Variants in PRKCB observed in about 807,000 individuals in gnomAD.
The protein encoded by PRKCB is protein kinase C beta type.
In PRKCB, 13 loss-of-function variants were observed where a neutral mutation model predicts 81.5. The observed-to-expected ratio is 0.16, with a 90% CI of 0.10 to 0.25. The LOEUF (loss-of-function observed/expected upper bound fraction) is 0.25, where lower values mean the gene tolerates loss of function less well. Ranked by LOEUF, PRKCB falls within the 10% of genes least tolerant of loss-of-function variation. PRKCB has a pLI of 1.00. For missense variants in PRKCB, 509 were observed against 875.7 expected (o/e 0.58, Z 5.29); for synonymous variants, 335 against 321.4 (o/e 1.04, Z -0.45).
In PRKCB at chr16:23,988,589, A is replaced by G. The variant is rs755399339; in HGVS notation, c.287A>G (p.Asp96Gly). Residue 96 changes from aspartate (D) to glycine (G), a missense_variant and splice_region_variant, in exon 3 of 17, where the codon GAT becomes GGT. Physicochemically the swap from Asp to Gly is moderately conservative, Grantham distance 94 (BLOSUM62 -1). Around this residue, in one of 6 missense-constraint regions of PRKCB, gnomAD observed 184 missense variants for 362.9 expected, o/e 0.51. Coordinates refer to ENST00000643927, the MANE Select transcript of PRKCB (RefSeq NM_002738.7). ...CPGADKGPASDDPRSKHKFKI... is the reference protein window; with the variant it reads ...CPGADKGPASGDPRSKHKFKI... ...GGCGCTGACAAGGGTCCAGCCTCCG[A>G]TGTAAGTAATGGGCATCGATTGCTT... 9 of 1,613,656 alleles carry G rather than the reference A, an allele frequency of 5.6e-6. No individual in the cohort carries two copies. The highest frequency in any genetic ancestry group is 6.8e-6 in the Non-Finnish European group (8 of 1,179,636).
rs869265824 is a variant in PRKCB, at chr16:24,219,655, AACACACACACACACACACACACAC to A, written c.*4864_*4887del. 8 of 742,548 alleles carry A rather than the reference AACACACACACACACACACACACAC, an allele frequency of 1.1e-5. No homozygotes were observed. Among genetic ancestry groups the A allele is most frequent in the Admixed American group, 1.5e-4 (2 of 13,132 alleles). 46.0% of individuals were successfully genotyped at this position (742,548 alleles called of 1,614,324 possible). The stretch of plus-strand genomic sequence containing the variant: ...ATCCTAAAGCCAAAGAAAATACAGC[AACACACACACACACACACACACAC>A]ACACACACACACACACACACACACC... On this transcript the variant is annotated 3_prime_UTR_variant, in exon 17 of 17. Transcript: ENST00000643927.
chr16:24,015,463 G>C lies in PRKCB; in HGVS notation c.289-16673G>C, dbSNP rs183274098. On this transcript the variant is annotated intron_variant, in intron 3 of 16. Coordinates refer to ENST00000643927, the MANE Select transcript of PRKCB (RefSeq NM_002738.7). The stretch of plus-strand genomic sequence containing the variant: ...GGGTCCAAGCTGGGAACAGGTCACG[G>C]GGGTTGAGGCAGAGCCTGAAGCCAG... Among the ~76,000 whole-genome samples the C allele has an allele frequency of 5.4e-4, 83 of 152,322 alleles. 1 individual carries two copies. The highest frequency in any genetic ancestry group is 1.9e-3 in the African/African-American group (79 of 41,570).
intron 3 of PRKCB, among the ~76,000 whole-genome samples, chr16:24,018,760 A>T (rs1266101395): frequency 6.6e-6 from 1 of 152,244 alleles, no homozygotes; most frequent in Non-Finnish European, 1.5e-5. Context: ...AAGTGTTTAC[A>T]TGGTGTTATT....
intron 5 of PRKCB, among the ~76,000 whole-genome samples, chr16:24,053,165 T>C (rs1965862802): frequency 6.6e-6 from 1 of 152,194 alleles, no homozygotes; most frequent in Non-Finnish European, 1.5e-5. Flanking sequence ...TTACTGCCAT[T>C]TGTAGTTCAC....
At chr16:23,881,231 A>G (rs11644636) in intron 2 of PRKCB, among the ~76,000 whole-genome samples, 22,448 of 144,986 alleles carry the variant, frequency 0.15, 1,792 homozygotes, top group Middle Eastern at 0.24. Context: ...CCCTGTGTTG[A>G]CTCCTTTTCT....
At chr16:23,844,032 A>T (rs1442650021) in intron 2 of PRKCB, among the ~76,000 whole-genome samples, 1 of 152,202 alleles carries the variant, frequency 6.6e-6, no homozygotes, top group African/African-American at 2.4e-5. Context: ...CACAATACGC[A>T]TCTTCTTTTG....
At chr16:23,837,487 C>G in intron 2 of PRKCB, 81 bp downstream of exon 2, 1 of 1,522,956 alleles carries the variant, frequency 6.6e-7, no homozygotes, top group East Asian at 2.3e-5. Flanking sequence ...CTGAGTTAGG[C>G]AGAGAGTGAA....
At chr16:24,145,900 A>G (rs145444061) in intron 9 of PRKCB, among the ~76,000 whole-genome samples, 1 of 152,338 alleles carries the variant, frequency 6.6e-6, no homozygotes, top group East Asian at 1.9e-4. Context: ...TGTATGTTCA[A>G]TTTCTAATGA....
chr16:24,004,398 C>T (rs193294047), intron 3 of PRKCB, among the ~76,000 whole-genome samples: 97 of 147,220 alleles, frequency 6.6e-4, no homozygotes, highest in African/African-American at 2.1e-3. Context: ...AAAGCATAAA[C>T]GGGGGCAGAT....
At chr16:23,907,750 G>A (rs1002222705) in intron 2 of PRKCB, among the ~76,000 whole-genome samples, 3 of 152,144 alleles carry the variant, frequency 2.0e-5, no homozygotes, top group Non-Finnish European at 4.4e-5. Context: ...AACCATACCG[G>A]TCGACTCCGG....
chr16:23,982,085 C>T (rs1596497393), intron 2 of PRKCB, among the ~76,000 whole-genome samples: 1 of 80,920 alleles, frequency 1.2e-5, no homozygotes, highest in African/African-American at 5.7e-5. Flanking sequence ...TTCCCTTTCC[C>T]TTCCCTTTCC....
intron 2 of PRKCB, among the ~76,000 whole-genome samples, chr16:23,933,844 TCATCCATCCATC>T (rs58975374): frequency 1.4e-4 from 16 of 118,394 alleles, no homozygotes; most frequent in South Asian, 8.8e-4. Flanking sequence ...GATTTTCTAT[TCATCCATCCATC>T]CATCCATCCA....
At chr16:24,152,147 T>C (rs2141952156) in intron 9 of PRKCB, among the ~76,000 whole-genome samples, 1 of 152,222 alleles carries the variant, frequency 6.6e-6, no homozygotes, top group South Asian at 2.1e-4. Flanking sequence ...CTGTGTAATT[T>C]ATGAAAAAGA....
At chr16:23,914,656 T>TAAGGG (rs1963711105) in intron 2 of PRKCB, among the ~76,000 whole-genome samples, 1 of 152,168 alleles carries the variant, frequency 6.6e-6, no homozygotes, top group Non-Finnish European at 1.5e-5. Context: ...TTGGGAGGTT[T>TAAGGG]AAATGAGTTA....
intron 5 of PRKCB, among the ~76,000 whole-genome samples, chr16:24,075,117 C>CAA (rs35609342): frequency 0.01 from 1,128 of 109,458 alleles, 14 homozygotes; most frequent in African/African-American, 0.034. Flanking sequence ...GACCCTATCT[C>CAA]AAAAAAAAAA....
At chr16:24,095,656 A>G (rs1045998760) in intron 7 of PRKCB, among the ~76,000 whole-genome samples, 2 of 152,130 alleles carry the variant, frequency 1.3e-5, no homozygotes, top group Non-Finnish European at 2.9e-5. Flanking sequence ...GCAATATTTC[A>G]TTAGTTTTAC....
intron 3 of PRKCB, among the ~76,000 whole-genome samples, chr16:23,991,467 G>A (rs1964884830): frequency 6.6e-6 from 1 of 152,200 alleles, no homozygotes; most frequent in Non-Finnish European, 1.5e-5. Flanking sequence ...AGCTCTGAGT[G>A]TTCATGCAGA....
At chr16:23,876,575 T>A (rs1408226339) in intron 2 of PRKCB, among the ~76,000 whole-genome samples, 5 of 99,336 alleles carry the variant, frequency 5.0e-5, no homozygotes, top group Non-Finnish European at 9.0e-5. Flanking sequence ...GGTTTCTTTT[T>A]CTTTTTGAAA....
chr16:24,153,861 T>A (rs1488901600), intron 9 of PRKCB, among the ~76,000 whole-genome samples: 1 of 152,252 alleles, frequency 6.6e-6, no homozygotes, highest in Non-Finnish European at 1.5e-5. Flanking sequence ...AGAACGTGCT[T>A]GTTTCTTTAT....
Sources: allele counts gnomAD v4.1 joint callset (sites outside exome capture counted in the v4.1 genomes callset), GRCh38; gene constraint gnomAD v4.1.1; regional missense constraint gnomAD v4.1.1; transcripts MANE v1.5; gene names NCBI Gene and HGNC (gene_info 2026-07-23, HGNC 2026-07-21).